The following CDK5RAP2 variants were observed in gnomAD, a reference collection of about 807,000 sequenced individuals.
The protein encoded by CDK5RAP2 is CDK5 regulatory subunit-associated protein 2.
Under a neutral mutation model 232.9 loss-of-function variants are expected in CDK5RAP2, and 147 were observed. That is an observed-to-expected ratio of 0.63 (90% CI 0.55 to 0.72). CDK5RAP2 has a LOEUF of 0.72. Among genes scored for constraint, CDK5RAP2 ranks in the 30% least tolerant of loss-of-function variants. CDK5RAP2 has a pLI of 0.00. For synonymous variants in CDK5RAP2, 833 were observed against 833.7 expected, an observed-to-expected ratio of 1.00 and a Z score of 0.01; for missense variants, 2,195 against 2,231.5, an observed-to-expected ratio of 0.98 and a Z score of 0.33.
chr9:120,436,543 C>T (rs1293113350), intron 25 of CDK5RAP2, among the ~76,000 whole-genome samples: 1 of 152,130 alleles, frequency 6.6e-6, no homozygotes, highest in Non-Finnish European at 1.5e-5. Context: ...ATTGTGATAA[C>T]AATACCATGG....
chr9:120,521,670 C>T (rs1426914220), intron 11 of CDK5RAP2, among the ~76,000 whole-genome samples: 1 of 126,676 alleles, frequency 7.9e-6, no homozygotes, highest in Non-Finnish European at 1.6e-5. Flanking sequence ...TTTTTTGAGA[C>T]AGTCTCGCTC....
intron 25 of CDK5RAP2, among the ~76,000 whole-genome samples, chr9:120,436,053 C>A (rs139267863): frequency 6.6e-6 from 1 of 152,304 alleles, no homozygotes; most frequent in East Asian, 1.9e-4. Flanking sequence ...ACAAATTATT[C>A]ATTACACAGG....
intron 27 of CDK5RAP2, among the ~76,000 whole-genome samples, chr9:120,416,937 T>C (rs762181758): frequency 3.3e-5 from 5 of 152,250 alleles, no homozygotes; most frequent in African/African-American, 7.2e-5. Flanking sequence ...GTTTATGAGA[T>C]GACTTAATTC....
intron 22 of CDK5RAP2, among the ~76,000 whole-genome samples, chr9:120,445,748 AC>A (rs2036150748): frequency 6.6e-6 from 1 of 152,072 alleles, no homozygotes; most frequent in African/African-American, 2.4e-5. Context: ...CAATTCCTGG[AC>A]CTGGTTGCTA....
At chr9:120,534,985 G>A (rs1404939066) in intron 7 of CDK5RAP2, among the ~76,000 whole-genome samples, 1 of 152,190 alleles carries the variant, frequency 6.6e-6, no homozygotes, top group African/African-American at 2.4e-5. Flanking sequence ...TCTGGGGGGA[G>A]GCTCAGTAGG....
intron 20 of CDK5RAP2, among the ~76,000 whole-genome samples, chr9:120,457,364 G>A (rs951419950): frequency 3.3e-5 from 5 of 152,168 alleles, no homozygotes; most frequent in African/African-American, 1.2e-4. Flanking sequence ...TTCCCACATG[G>A]CCCTCAGACA....
chr9:120,427,888 GAAA>G (rs2035020464), intron 25 of CDK5RAP2, among the ~76,000 whole-genome samples: 1 of 152,084 alleles, frequency 6.6e-6, no homozygotes, highest in African/African-American at 2.4e-5. Flanking sequence ...TAAAAGAACA[GAAA>G]TTATAACAAA....
rs2032932946 is a variant in CDK5RAP2, at chr9:120,400,746, TCA to T, written c.5445_5446del (p.Cys1815Ter). ...GAAACATGTGTCACCACCTACCTGC[TCA>T]CAGTGAAGGGGGCACTGGCCATCCT... is the stretch of plus-strand genomic sequence containing the variant. On this transcript the variant is annotated stop_gained and frameshift_variant, in exon 35 of 38. Transcript: ENST00000349780. LOFTEE classifies it high-confidence loss of function. The T allele has an allele frequency of 6.2e-7, 1 of 1,613,626 alleles. No homozygotes were observed. The highest frequency in any genetic ancestry group is 8.5e-7 in the Non-Finnish European group (1 of 1,180,022).
Position 120,458,480 on chromosome 9 carries a change from T to C in CDK5RAP2, c.2345A>G (p.Asn782Ser), listed in dbSNP as rs2131440004. Reference sequence around the variant, plus strand: ...TTCCAGTAATAATGTGGCCTTCTCATTGAACAAAGGGGCAAGCAGGTTTAT... The same window carrying C: ...TTCCAGTAATAATGTGGCCTTCTCACTGAACAAAGGGGCAAGCAGGTTTAT... The part of the protein sequence containing the change: ...AFINLLAPLF[N>S]EKATLLLESR... The change falls in exon 20 of 38, where the codon AAT (asparagine) becomes AGT (serine). Residue 782 changes from asparagine to serine, a missense_variant. Coordinates refer to ENST00000349780, the MANE Select transcript of CDK5RAP2 (RefSeq NM_018249.6). 1 of 1,614,116 alleles carries C rather than the reference T, an allele frequency of 6.2e-7. No individual in the cohort carries two copies. Among genetic ancestry groups the C allele is most frequent in the Non-Finnish European group, 8.5e-7 (1 of 1,180,012 alleles).
chr9:120,429,076 C>CTTTA (rs2035111405), intron 25 of CDK5RAP2, among the ~76,000 whole-genome samples: 2 of 152,222 alleles, frequency 1.3e-5, no homozygotes, highest in Non-Finnish European at 2.9e-5. Flanking sequence ...GCTAAAAACT[C>CTTTA]TTAATAAATT....
rs377272432 is a variant in CDK5RAP2, at chr9:120,402,830, G to A, written c.5283C>T (p.Ser1761=). 6.2e-7 allele frequency: 1 copy of A among 1,614,086 alleles called. No homozygotes were observed. ...MDIQTQEAPS[S]TSQELGTKGP... ...CCTTTGTTCCCAGCTCTTGACTTGT[G>A]GAGCTGGGAGCCTCTTGGGTTTGAA... The change falls in exon 34 of 38, where the codon TCC becomes TCT. Residue 1761 remains serine (S), a synonymous_variant. Transcript: ENST00000349780.
Position 120,411,423 on chromosome 9 carries a change from G to A in CDK5RAP2, c.4349C>T (p.Ser1450Leu), listed in dbSNP as rs778753382. 7 of 1,613,324 alleles carry A rather than the reference G, an allele frequency of 4.3e-6. No homozygotes were observed. The highest frequency in any genetic ancestry group is 1.3e-5 in the African/African-American group (1 of 74,890). ...CTGCTTCCTCAAGAAATGAATTTCT[G>A]ATGTTAGAGAACTATGAAGCTCTGA... ...SGSELHSSLT[S>L]EIHFLRKQNQ... is the part of the protein sequence containing the mutation. The change falls in exon 29 of 38, where the codon TCA (serine) becomes TTA (leucine). Residue 1450 changes from serine to leucine, a missense_variant. Ser to Leu is a moderately radical substitution (Grantham distance 145). Transcript: ENST00000349780.
At position 120,419,639 on chromosome 9, in the gene CDK5RAP2, T is replaced by C. The variant is rs1298722315; in HGVS notation, c.4177+149A>G. The C allele has an allele frequency of 6.9e-6, 5 of 721,384 alleles. No individual in the cohort carries two copies. In the African/African-American group the frequency reaches 7.0e-5, roughly 10 times the overall value. 44.7% of individuals were successfully genotyped at this position (721,384 alleles called of 1,614,324 possible). A position where few individuals can be genotyped will look rare whatever the true frequency, so the allele number is the denominator to read the frequency against. On this transcript the variant is annotated intron_variant, in intron 27 of 37. Coordinates refer to ENST00000349780, the MANE Select transcript of CDK5RAP2 (RefSeq NM_018249.6). Reference sequence around the variant, plus strand: ...CATAGCTTTCTCTAGTGATAAAGGATACTCTGAATGACCAGCATTGGCCCT... The same window carrying C: ...CATAGCTTTCTCTAGTGATAAAGGACACTCTGAATGACCAGCATTGGCCCT...
intron 12 of CDK5RAP2, among the ~76,000 whole-genome samples, chr9:120,497,420 TTAAAAAAAAAAA>T (rs2039346160): frequency 2.7e-4 from 6 of 22,128 alleles, no homozygotes; most frequent in Non-Finnish European, 7.4e-4. Context: ...AAAAATAAAT[TTAAAAAAAAAAA>T]AAAAAAAAAA....
chr9:120,518,843 T>C (rs2040487168), intron 11 of CDK5RAP2, among the ~76,000 whole-genome samples, 198 bp from the exon 12 acceptor site: 1 of 151,938 alleles, frequency 6.6e-6, no homozygotes, highest in Non-Finnish European at 1.5e-5. Flanking sequence ...ATGTGGATGG[T>C]TGTATGAAAG....
intron 14 of CDK5RAP2, among the ~76,000 whole-genome samples, chr9:120,481,118 C>T (rs905000519): frequency 6.6e-6 from 1 of 152,212 alleles, no homozygotes; most frequent in African/African-American, 2.4e-5. Flanking sequence ...TTAATCTTCA[C>T]AATGACCCAA....
At chr9:120,497,420 T>TAAA (rs1564300312) in intron 12 of CDK5RAP2, among the ~76,000 whole-genome samples, 5 of 22,208 alleles carry the variant, frequency 2.3e-4, no homozygotes, top group Non-Finnish European at 5.9e-4. Context: ...AAAAATAAAT[T>TAAA]TAAAAAAAAA....
intron 24 of CDK5RAP2, among the ~76,000 whole-genome samples, chr9:120,438,531 G>C (rs1178328511): frequency 6.6e-6 from 1 of 152,174 alleles, no homozygotes; most frequent in African/African-American, 2.4e-5. Context: ...ATGTGGGCTT[G>C]AACCCTGGCA....
intron 10 of CDK5RAP2, among the ~76,000 whole-genome samples, chr9:120,526,984 C>T (rs2040927486): frequency 6.6e-6 from 1 of 151,874 alleles, no homozygotes; most frequent in South Asian, 2.1e-4. Flanking sequence ...ATGCAATATC[C>T]ACACCTAATC....
Sources: gnomAD v4.1 joint callset for allele counts (sites outside exome capture counted in the v4.1 genomes callset) on GRCh38, gnomAD v4.1.1 for gene constraint, MANE v1.5 for transcripts, NCBI Gene and HGNC (gene_info 2026-07-23, HGNC 2026-07-21) for gene names.